Variants in MICAL3 observed in about 807,000 individuals in gnomAD.
MICAL3 encodes microtubule associated monooxygenase, calponin and LIM domain containing 3, also known as [F-actin]-monooxygenase MICAL3.
A neutral mutation model predicts 207.4 loss-of-function variants in MICAL3; 62 were observed. The observed-to-expected ratio is 0.30, with a 90% CI of 0.24 to 0.37. MICAL3 has a LOEUF of 0.37. Among genes scored for constraint, MICAL3 ranks in the 10% least tolerant of loss-of-function variants. The probability of loss-of-function intolerance (pLI) is 1.00; values close to 1 mark genes in which losing one functional copy is unlikely to be tolerated. For missense variants in MICAL3, 2,368 were observed against 2,635.6 expected (o/e 0.90, Z 2.22); for synonymous variants, 1,077 against 1,069.3 (o/e 1.01, Z -0.14).
chr22:17,881,300 G>A (rs200640705), intron 16 of MICAL3: 229 of 1,604,086 alleles, frequency 1.4e-4, no homozygotes, highest in African/African-American at 2.4e-4. Context: ...TCCTTTTCCC[G>A]TTGCTTTTAC....
At chr22:17,874,137 G>A (rs1569107261) in intron 16 of MICAL3, among the ~76,000 whole-genome samples, 2 of 152,224 alleles carry the variant, frequency 1.3e-5, no homozygotes, top group South Asian at 2.1e-4. Context: ...CTCAGCTCAA[G>A]GCTCAGCTGA....
At chr22:18,003,355 G>A (rs1923169921) in intron 1 of MICAL3, among the ~76,000 whole-genome samples, 1 of 151,964 alleles carries the variant, frequency 6.6e-6, no homozygotes, top group African/African-American at 2.4e-5. Flanking sequence ...ACTTCTCCAG[G>A]AAGCACCCCT....
chr22:17,871,461 C>T (rs180837459), intron 17 of MICAL3, among the ~76,000 whole-genome samples: 2 of 152,320 alleles, frequency 1.3e-5, no homozygotes, highest in East Asian at 1.9e-4. Context: ...TCATCATCAA[C>T]CTTAGGCAAA....
chr22:17,797,099 G>T (rs1303636507), intron 29 of MICAL3, among the ~76,000 whole-genome samples: 1 of 152,174 alleles, frequency 6.6e-6, no homozygotes, highest in East Asian at 1.9e-4. Flanking sequence ...CATCTGGAAG[G>T]CAGGCAGGGC....
intron 29 of MICAL3, among the ~76,000 whole-genome samples, chr22:17,805,118 G>GT (rs1246211445): frequency 4.6e-5 from 7 of 152,230 alleles, no homozygotes; most frequent in African/African-American, 1.7e-4. Flanking sequence ...AGACCCCCAA[G>GT]TGAGATGATG....
chr22:17,923,280 T>C (rs1390521555), intron 1 of MICAL3, among the ~76,000 whole-genome samples: 1 of 152,170 alleles, frequency 6.6e-6, no homozygotes, highest in Non-Finnish European at 1.5e-5. Context: ...GTCCGGAGCA[T>C]ATTGAACTAT....
chr22:17,847,729 G>A (rs1293706130), intron 19 of MICAL3, among the ~76,000 whole-genome samples: 1 of 152,254 alleles, frequency 6.6e-6, no homozygotes, highest in African/African-American at 2.4e-5. Flanking sequence ...TTCTCCTTAA[G>A]TAGTCCCTCT....
At chr22:17,888,413 G>A (rs1569117284) in intron 13 of MICAL3, among the ~76,000 whole-genome samples, 2 of 148,292 alleles carry the variant, frequency 1.3e-5, no homozygotes, top group East Asian at 4.0e-4. Flanking sequence ...AGATTTTTGG[G>A]AAGTGCTAAC....
intron 11 of MICAL3, among the ~76,000 whole-genome samples, chr22:17,893,089 C>T (rs755832169): frequency 7.9e-5 from 12 of 152,184 alleles, no homozygotes; most frequent in Non-Finnish European, 1.3e-4. Flanking sequence ...TCTTCGAGGC[C>T]GCACAATTCA....
At chr22:18,011,564 G>A (rs937507527) in intron 1 of MICAL3, among the ~76,000 whole-genome samples, 7 of 145,194 alleles carry the variant, frequency 4.8e-5, no homozygotes, top group African/African-American at 1.3e-4. Flanking sequence ...GTGAGACTCC[G>A]TCTAAAAATA....
intron 1 of MICAL3, among the ~76,000 whole-genome samples, chr22:17,907,218 AG>A (rs79371913): frequency 2.9e-4 from 43 of 150,216 alleles, no homozygotes; most frequent in East Asian, 2.2e-3. Context: ...TTGGTGGTGA[AG>A]GGGGGGGGTC....
intron 1 of MICAL3, among the ~76,000 whole-genome samples, chr22:17,942,368 G>A (rs1933847148): frequency 1.3e-5 from 2 of 152,100 alleles, no homozygotes; most frequent in Admixed American, 1.3e-4. Flanking sequence ...TCTGTGGGTT[G>A]GGAGGGAGGC....
intron 20 of MICAL3, 50 bp from the exon 21 acceptor site, chr22:17,832,157 A>G: frequency 6.5e-7 from 1 of 1,542,742 alleles, no homozygotes; most frequent in South Asian, 1.2e-5. Context: ...AGAAAAACTG[A>G]GAAGGGGAAG....
chr22:17,818,340 C>T lies in MICAL3; in HGVS notation c.4321G>A (p.Gly1441Ser), dbSNP rs753533563. 2.5e-6 allele frequency: 4 copies of T among 1,592,100 alleles called. No homozygotes were observed. Among genetic ancestry groups the T allele is most frequent in the Non-Finnish European group, 3.4e-6 (4 of 1,171,866 alleles). Residue 1441 changes from glycine to serine, a missense_variant, in exon 26 of 32, where the codon GGC becomes AGC. Physicochemically the swap from Gly to Ser is moderately conservative, Grantham distance 56. Coordinates refer to ENST00000441493, the MANE Select transcript of MICAL3 (RefSeq NM_015241.3). The part of the protein sequence containing the change: ...HGSSSNMKTL[G>S]SQSFNTSDSA... The stretch of plus-strand genomic sequence containing the variant: ...TCCGAGGTGTTGAAGCTCTGGCTGC[C>T]CAGTGTCTTCATGTTGGAGGAGCTC...
Position 17,875,298 on chromosome 22 carries a change from G to A in MICAL3, c.2242-3275C>T. ...AGACCTCACACACGAGACCGACACAGGCAAACAGCAACACATGCAGCTGGC... is the reference window on the plus strand; with the variant it reads ...AGACCTCACACACGAGACCGACACAAGCAAACAGCAACACATGCAGCTGGC... On this transcript the variant is annotated intron_variant, in intron 16 of 31. Transcript: ENST00000441493. The A allele has an allele frequency of 8.5e-6, 4 of 471,944 alleles. No homozygotes were observed. The East Asian group carries it at 1.6e-4, about 19-fold the overall frequency. 29.2% of individuals were successfully genotyped at this position (471,944 alleles called of 1,614,324 possible). A position where few individuals can be genotyped will look rare whatever the true frequency, so the allele number is the denominator to read the frequency against.
At chr22:17,904,531 G>C (rs1412189850) in intron 3 of MICAL3, 101 bp downstream of exon 3, 1 of 868,036 alleles carries the variant, frequency 1.2e-6, no homozygotes, top group Non-Finnish European at 2.0e-6. Flanking sequence ...AGAAGAAATT[G>C]GGTGGCATAT....
rs886967882 is a variant in MICAL3 at position 17,906,857 on chromosome 22, T to C, written c.-45A>G. 1.2e-5 allele frequency: 18 copies of C among 1,523,686 alleles called. No individual in the cohort carries two copies. Among genetic ancestry groups the C allele is most frequent in the Non-Finnish European group, 1.6e-5 (18 of 1,133,302 alleles). The allele number at this position is 1,523,686 out of a possible 1,614,324, so 94.4% of individuals were successfully genotyped here. A position where few individuals can be genotyped will look rare whatever the true frequency, so the allele number is the denominator to read the frequency against. On this transcript the variant is annotated 5_prime_UTR_variant, in exon 2 of 32. Transcript: ENST00000441493. ...TCCCCAGAGGGGGAGGTGGGATGGC[T>C]GTGGGTCCACCTGACACTGTCACGT...
At chr22:17,922,652 G>C (rs192017774) in intron 1 of MICAL3, among the ~76,000 whole-genome samples, 63 of 152,094 alleles carry the variant, frequency 4.1e-4, no homozygotes, top group Non-Finnish European at 7.8e-4. Context: ...CAAATGGCTC[G>C]GGACGAAAGA....
At chr22:17,839,692 G>A (rs1426912588) in intron 20 of MICAL3, 4 of 150,106 alleles carry the variant, frequency 2.7e-5, no homozygotes, top group South Asian at 2.1e-4. Context: ...TCAGCCTCCC[G>A]AGTAACTGGG....
Sources: gnomAD v4.1 joint callset for allele counts (sites outside exome capture counted in the v4.1 genomes callset) on GRCh38, gnomAD v4.1.1 for gene constraint, MANE v1.5 for transcripts, NCBI Gene and HGNC (gene_info 2026-07-23, HGNC 2026-07-21) for gene names.